The following ADGRL3 variants were observed in gnomAD, a reference collection of about 807,000 sequenced individuals.
ADGRL3 encodes the protein adhesion G protein-coupled receptor L3, also known as calcium-independent alpha-latrotoxin receptor 3.
Under a neutral mutation model 153.5 loss-of-function variants are expected in ADGRL3, and 62 were observed. The ratio of observed to expected loss-of-function variants is 0.40; its 90% CI spans 0.33 to 0.50. ADGRL3 has a LOEUF of 0.50. Among genes scored for constraint, ADGRL3 ranks in the 20% least tolerant of loss-of-function variants. The probability of loss-of-function intolerance (pLI) is 0.47; values close to 1 mark genes in which losing one functional copy is unlikely to be tolerated. For missense variants in ADGRL3, 1,641 were observed against 1,859.4 expected (o/e 0.88, Z 2.16); for synonymous variants, 710 against 672.5 (o/e 1.06, Z -0.86).
At chr4:61,772,777 A>G (rs1228010632) in intron 8 of ADGRL3, among the ~76,000 whole-genome samples, 7 of 152,266 alleles carry the variant, frequency 4.6e-5, no homozygotes, top group Middle Eastern at 3.4e-3. Context: ...AATCAGAGAT[A>G]CCCTCCTGCA....
intron 6 of ADGRL3, among the ~76,000 whole-genome samples, chr4:61,692,603 C>G (rs2151154144): frequency 6.6e-6 from 1 of 152,052 alleles, no homozygotes; most frequent in African/African-American, 2.4e-5. Context: ...CCCCCCATGC[C>G]TGGCTAATTT....
At chr4:61,273,672 G>C (rs2093319675) in intron 1 of ADGRL3, among the ~76,000 whole-genome samples, 1 of 152,142 alleles carries the variant, frequency 6.6e-6, no homozygotes, top group African/African-American at 2.4e-5. Flanking sequence ...GTGGATGTAA[G>C]AGTGGCTTCA....
At chr4:61,256,228 A>G (rs1560389470) in intron 1 of ADGRL3, among the ~76,000 whole-genome samples, 1 of 152,210 alleles carries the variant, frequency 6.6e-6, no homozygotes, top group Non-Finnish European at 1.5e-5. Flanking sequence ...CTGAGACAAC[A>G]TAACAATTGG....
intron 21 of ADGRL3, among the ~76,000 whole-genome samples, chr4:62,001,795 AT>A (rs547490878): frequency 6.6e-6 from 1 of 152,154 alleles, no homozygotes; most frequent in Non-Finnish European, 1.5e-5. Context: ...TGGGGAAAGC[AT>A]TAAAGTTAAT....
chr4:61,881,784 T>C (rs1357358954), intron 9 of ADGRL3, among the ~76,000 whole-genome samples: 3 of 152,232 alleles, frequency 2.0e-5, no homozygotes, highest in African/African-American at 7.2e-5. Context: ...AAATTACAGT[T>C]CACAAGTTAA....
intron 1 of ADGRL3, among the ~76,000 whole-genome samples, chr4:61,350,187 C>T (rs758540470): frequency 1.8e-4 from 27 of 152,028 alleles, no homozygotes; most frequent in Non-Finnish European, 3.2e-4. Flanking sequence ...ATCTTGATAT[C>T]CTTGAGCATA....
chr4:61,701,023 T>A (rs2095748419), intron 6 of ADGRL3, among the ~76,000 whole-genome samples: 1 of 152,186 alleles, frequency 6.6e-6, no homozygotes, highest in African/African-American at 2.4e-5. Context: ...CACAATACTG[T>A]CACTCAGAAA....
intron 17 of ADGRL3, among the ~76,000 whole-genome samples, chr4:61,949,422 G>A (rs922495611): frequency 6.6e-6 from 1 of 152,154 alleles, no homozygotes; most frequent in Non-Finnish European, 1.5e-5. Context: ...AATAGGCCGG[G>A]CATGGTGGCT....
intron 6 of ADGRL3, among the ~76,000 whole-genome samples, chr4:61,689,743 ATTGT>A (rs2095505945): frequency 6.6e-6 from 1 of 152,098 alleles, no homozygotes; most frequent in South Asian, 2.1e-4. Flanking sequence ...TGACTGATTG[ATTGT>A]TTGGCCTTTG....
At position 62,071,005 on chromosome 4, in the gene ADGRL3, T is replaced by A. The variant is rs1377360598; in HGVS notation, c.*97T>A. The A allele has an allele frequency of 9.7e-7, 1 of 1,033,184 alleles. No individual in the cohort carries two copies. The highest frequency in any genetic ancestry group is 1.6e-5 in the African/African-American group (1 of 61,478). 64.0% of individuals were successfully genotyped at this position (1,033,184 alleles called of 1,614,324 possible). A position where few individuals can be genotyped will look rare whatever the true frequency, so the allele number is the denominator to read the frequency against. ...TGGTAATAATGTGTGTACTCCTAAA[T>A]CTTTATGCTGTCCTCTAAAGACAAA... is the stretch of plus-strand genomic sequence containing the variant. On this transcript the variant is annotated 3_prime_UTR_variant, in exon 27 of 27. Transcript: ENST00000683033.
chr4:61,484,212 T>C (rs1482475723), intron 2 of ADGRL3, among the ~76,000 whole-genome samples: 2 of 152,180 alleles, frequency 1.3e-5, no homozygotes, highest in African/African-American at 4.8e-5. Flanking sequence ...CTGATAAGGC[T>C]AAGTGAGATG....
chr4:62,058,799 T>C (rs947096002), intron 25 of ADGRL3, among the ~76,000 whole-genome samples: 3 of 152,072 alleles, frequency 2.0e-5, no homozygotes, highest in African/African-American at 7.2e-5. Flanking sequence ...AGAAGCTGGT[T>C]GGAAGGAAGA....
chr4:61,460,762 A>G (rs1239054977), intron 2 of ADGRL3, among the ~76,000 whole-genome samples: 5 of 152,080 alleles, frequency 3.3e-5, no homozygotes, highest in African/African-American at 1.2e-4. Context: ...GCAAAAGGGG[A>G]AACCCTTTAT....
intron 6 of ADGRL3, among the ~76,000 whole-genome samples, chr4:61,680,416 G>A (rs1182215640): frequency 1.7e-5 from 1 of 58,416 alleles, no homozygotes; most frequent in African/African-American, 4.2e-5. Context: ...GTGTGTGTGT[G>A]TGTGTGTGTG....
intron 1 of ADGRL3, among the ~76,000 whole-genome samples, chr4:61,240,125 G>T (rs981551853): frequency 6.6e-6 from 1 of 152,096 alleles, no homozygotes; most frequent in African/African-American, 2.4e-5. Flanking sequence ...TCTGGTGAGG[G>T]TTACTCTCTG....
chr4:61,283,835 C>A (rs2093818645), intron 1 of ADGRL3, among the ~76,000 whole-genome samples: 1 of 151,954 alleles, frequency 6.6e-6, no homozygotes, highest in Admixed American at 6.6e-5. Context: ...ACTTTAAGCA[C>A]CTGATTGTCC....
At chr4:61,392,470 G>A (rs1275141227) in intron 2 of ADGRL3, among the ~76,000 whole-genome samples, 1 of 151,060 alleles carries the variant, frequency 6.6e-6, no homozygotes, top group Non-Finnish European at 1.5e-5. Flanking sequence ...GGCAGATCAC[G>A]AGGTCAGGAG....
intron 13 of ADGRL3, among the ~76,000 whole-genome samples, chr4:61,916,953 C>CA (rs993386297): frequency 8.0e-4 from 117 of 147,026 alleles, no homozygotes; most frequent in African/African-American, 2.2e-3. Flanking sequence ...ACTCCATCTC[C>CA]AAAAAAAAAT....
chr4:62,037,527 G>A (rs979195245), intron 23 of ADGRL3, among the ~76,000 whole-genome samples: 1 of 151,896 alleles, frequency 6.6e-6, no homozygotes, highest in Non-Finnish European at 1.5e-5. Flanking sequence ...TGTTTTAAAA[G>A]GCTCCAGTTA....
Sources: gnomAD v4.1 joint callset for allele counts (sites outside exome capture counted in the v4.1 genomes callset) on GRCh38, gnomAD v4.1.1 for gene constraint, MANE v1.5 for transcripts, NCBI Gene and HGNC (gene_info 2026-07-23, HGNC 2026-07-21) for gene names.